The following DNAI1 variants were observed in gnomAD, a reference collection of about 807,000 sequenced individuals.
DNAI1 encodes dynein, axonemal, intermediate polypeptide 1.
DNAI1 carries 67 observed loss-of-function variants against 92.0 expected under a neutral mutation model. The observed-to-expected ratio is 0.73, with a 90% confidence interval of 0.60 to 0.89. The LOEUF is 0.89. Among genes scored for constraint, DNAI1 ranks in the 40% least tolerant of loss-of-function variants. The probability of loss-of-function intolerance (pLI) is 0.00; values close to 1 mark genes in which losing one functional copy is unlikely to be tolerated. For synonymous variants in DNAI1, 323 were observed against 319.6 expected (o/e 1.01, Z -0.11); for missense variants, 839 against 866.6 (o/e 0.97, Z 0.40).
chr9:34,469,932 C>A (rs1363602465), intron 1 of DNAI1, among the ~76,000 whole-genome samples: 1 of 152,054 alleles, frequency 6.6e-6, no homozygotes, highest in Non-Finnish European at 1.5e-5. Context: ...AAAAACAAAA[C>A]AAAACCATTA....
chr9:34,479,655 A>G (rs1424047389), intron 1 of DNAI1, among the ~76,000 whole-genome samples: 1 of 151,982 alleles, frequency 6.6e-6, no homozygotes, highest in Non-Finnish European at 1.5e-5. Flanking sequence ...CTCTATTGTG[A>G]GCCTGAAAGT....
chr9:34,518,505 G>C (rs1300982633), intron 19 of DNAI1, among the ~76,000 whole-genome samples: 1 of 152,246 alleles, frequency 6.6e-6, no homozygotes, highest in Non-Finnish European at 1.5e-5. Context: ...AGCGCCTGCA[G>C]CTGTGGCCCA....
intron 14 of DNAI1, 33 bp from the exon 15 acceptor site, chr9:34,512,304 C>T (rs747503232): frequency 1.9e-6 from 3 of 1,612,974 alleles, no homozygotes; most frequent in Non-Finnish European, 2.5e-6. Flanking sequence ...CCCACGTGCC[C>T]TCCCCCCCAC....
chr9:34,480,097 C>G (rs919893189), intron 1 of DNAI1, among the ~76,000 whole-genome samples: 1 of 152,170 alleles, frequency 6.6e-6, no homozygotes, highest in African/African-American at 2.4e-5. Context: ...CATGCTGCCA[C>G]CAACGTGTGC....
At chr9:34,491,368 T>G (rs1220361528) in intron 7 of DNAI1, 127 bp from the exon 8 acceptor site, 3 of 930,686 alleles carry the variant, frequency 3.2e-6, no homozygotes, top group African/African-American at 1.6e-5. Flanking sequence ...CCCTCTTTAC[T>G]TCCCCAGCTC....
At chr9:34,498,888 A>G (rs1824774634) in intron 10 of DNAI1, among the ~76,000 whole-genome samples, 1 of 152,192 alleles carries the variant, frequency 6.6e-6, no homozygotes, top group African/African-American at 2.4e-5. Flanking sequence ...AAAGCTGTCA[A>G]AGTACACAAC....
intron 11 of DNAI1, 21 bp from the exon 12 acceptor site, chr9:34,501,117 G>T: frequency 6.2e-7 from 1 of 1,609,736 alleles, no homozygotes; most frequent in Non-Finnish European, 8.5e-7. Context: ...TATGCCAATG[G>T]ATTCATATTT....
At chr9:34,490,240 G>A (rs1824559907) in intron 6 of DNAI1, 116 bp downstream of exon 6, 5 of 1,606,354 alleles carry the variant, frequency 3.1e-6, no homozygotes, top group South Asian at 2.2e-5. Context: ...GAGGCTGCAG[G>A]TGCCAATGTG....
At position 34,489,293 on chromosome 9, in the gene DNAI1, C is replaced by G. The variant is rs763305083; in HGVS notation, c.262-30C>G. The G allele has an allele frequency of 7.4e-6, 12 of 1,613,322 alleles. No individual in the cohort carries two copies. In the South Asian group the frequency reaches 1.3e-4, roughly 18 times the overall value. ...TTTGACTCCAGCTCTTTTAGGGATC[C>G]CTGGTCTGACTCAGCCCCTCTCTTC... On this transcript the variant is annotated intron_variant, in intron 4 of 19. Coordinates refer to ENST00000242317, the MANE Select transcript of DNAI1 (RefSeq NM_012144.4).
intron 1 of DNAI1, among the ~76,000 whole-genome samples, chr9:34,468,382 G>C (rs1189297751): frequency 6.6e-6 from 1 of 151,092 alleles, no homozygotes; most frequent in Non-Finnish European, 1.5e-5. Context: ...GTAGAGACGG[G>C]GTTTCACCAT....
intron 1 of DNAI1, among the ~76,000 whole-genome samples, chr9:34,462,465 A>G (rs1339929837): frequency 2.0e-5 from 3 of 152,148 alleles, no homozygotes; most frequent in East Asian, 1.9e-4. Flanking sequence ...ACTATAAACT[A>G]TGTTATGGTA....
chr9:34,461,012 T>C (rs1425943929), intron 1 of DNAI1, among the ~76,000 whole-genome samples: 1 of 152,136 alleles, frequency 6.6e-6, no homozygotes, highest in Non-Finnish European at 1.5e-5. Context: ...AGCTAATTTT[T>C]TTGTATTTTT....
intron 8 of DNAI1, among the ~76,000 whole-genome samples, chr9:34,492,521 T>TAGATATAG (rs1824629130): frequency 8.3e-6 from 1 of 121,024 alleles, no homozygotes; most frequent in African/African-American, 3.0e-5. Flanking sequence ...TATATATATA[T>TAGATATAG]ATATATATAT....
chr9:34,471,447 C>CA (rs72230032), intron 1 of DNAI1, among the ~76,000 whole-genome samples: 16,632 of 83,754 alleles, frequency 0.2, 1,157 homozygotes, highest in Non-Finnish European at 0.28. Flanking sequence ...ACCACCACCA[C>CA]AAAAAAAAAA....
chr9:34,473,682 C>G (rs1824182458), intron 1 of DNAI1, among the ~76,000 whole-genome samples: 1 of 152,022 alleles, frequency 6.6e-6, no homozygotes, highest in South Asian at 2.1e-4. Context: ...TTCAAGAATA[C>G]AATATATTGG....
At chr9:34,464,673 A>T (rs1229493387) in intron 1 of DNAI1, among the ~76,000 whole-genome samples, 1 of 152,114 alleles carries the variant, frequency 6.6e-6, no homozygotes, top group Non-Finnish European at 1.5e-5. Context: ...CCCCCATTAG[A>T]CTGTGAGCTC....
intron 16 of DNAI1, 94 bp from the exon 17 acceptor site, chr9:34,514,300 A>G: frequency 3.3e-6 from 5 of 1,516,280 alleles, no homozygotes; most frequent in Non-Finnish European, 4.5e-6. Context: ...TGGGTTAAGG[A>G]CAGGAGTCTA....
chr9:34,511,248 T>A (rs1825059530), intron 13 of DNAI1, among the ~76,000 whole-genome samples: 1 of 152,252 alleles, frequency 6.6e-6, no homozygotes, highest in Admixed American at 6.5e-5. Flanking sequence ...AACTTGAGTC[T>A]CAAGCGTGTC....
intron 1 of DNAI1, among the ~76,000 whole-genome samples, chr9:34,482,737 G>T (rs62559899): frequency 0.12 from 18,830 of 152,314 alleles, 1,254 homozygotes; most frequent in South Asian, 0.15. Context: ...AGGTGAAGCT[G>T]CCTGCCAGTC....
Sources: gnomAD v4.1 joint callset for allele counts (sites outside exome capture counted in the v4.1 genomes callset) on GRCh38, gnomAD v4.1.1 for gene constraint, MANE v1.5 for transcripts, NCBI Gene and HGNC (gene_info 2026-07-23, HGNC 2026-07-21) for gene names.